The following RTN4RL1 variants were observed in gnomAD, a reference collection of about 807,000 sequenced individuals.
RTN4RL1 encodes the protein reticulon 4 receptor like 1.
A neutral mutation model predicts 25.6 loss-of-function variants in RTN4RL1; 7 were observed. The observed-to-expected ratio is 0.27, with a 90% CI of 0.16 to 0.51. The LOEUF (loss-of-function observed/expected upper bound fraction) is 0.51. Among genes scored for constraint, RTN4RL1 ranks in the 20% least tolerant of loss-of-function variants. RTN4RL1 has a pLI of 0.97. For synonymous variants in RTN4RL1, 297 were observed against 288.2 expected, an observed-to-expected ratio of 1.03 and a Z score of -0.31; for missense variants, 500 against 615.6, an observed-to-expected ratio of 0.81 and a Z score of 1.99.
At chr17:1,977,391 C>T (rs2066846762) in intron 1 of RTN4RL1, among the ~76,000 whole-genome samples, 1 of 152,202 alleles carries the variant, frequency 6.6e-6, no homozygotes, top group African/African-American at 2.4e-5. Context: ...ACCCTGACGA[C>T]CTTGGAGCCT....
At chr17:2,014,139 T>A (rs1343593412) in intron 1 of RTN4RL1, among the ~76,000 whole-genome samples, 1 of 152,172 alleles carries the variant, frequency 6.6e-6, no homozygotes, top group African/African-American at 2.4e-5. Flanking sequence ...CCAGTGCCCA[T>A]GGGGACTCAC....
intron 1 of RTN4RL1, among the ~76,000 whole-genome samples, chr17:1,971,774 A>G (rs1389245688): frequency 2.6e-5 from 4 of 151,958 alleles, no homozygotes; most frequent in South Asian, 2.1e-4. Flanking sequence ...CATCCTAGCT[A>G]ACATGGTGAA....
chr17:1,960,552 A>G (rs1249585797), intron 1 of RTN4RL1, among the ~76,000 whole-genome samples: 1 of 152,194 alleles, frequency 6.6e-6, no homozygotes, highest in Non-Finnish European at 1.5e-5. Flanking sequence ...CTTGTAAAAT[A>G]TACACATTTT....
intron 1 of RTN4RL1, among the ~76,000 whole-genome samples, chr17:1,951,061 C>T (rs373031103): frequency 2.6e-5 from 4 of 151,498 alleles, no homozygotes; most frequent in East Asian, 2.0e-4. Flanking sequence ...GTCAGGAGAT[C>T]GAGACCATCC....
chr17:2,002,298 T>A (rs2066963364), intron 1 of RTN4RL1, among the ~76,000 whole-genome samples: 1 of 150,624 alleles, frequency 6.6e-6, no homozygotes, highest in African/African-American at 2.4e-5. Flanking sequence ...TTTTTAATTT[T>A]AATTTTTTTT....
At chr17:2,020,448 G>A (rs1258189063) in intron 1 of RTN4RL1, 2 of 152,176 alleles carry the variant, frequency 1.3e-5, no homozygotes, top group African/African-American at 4.8e-5. Context: ...AGGAGCTGTG[G>A]ATTCAAGTGA....
chr17:2,015,778 C>A (rs561696000), intron 1 of RTN4RL1, among the ~76,000 whole-genome samples: 10 of 152,038 alleles, frequency 6.6e-5, no homozygotes, highest in Non-Finnish European at 1.3e-4. Flanking sequence ...GAGAGCCGAG[C>A]GGCCGCAAGG....
At position 1,983,868 on chromosome 17, in the gene RTN4RL1, C is replaced by T. The variant is rs144043813; in HGVS notation, c.13+40985G>A. 2.5e-3 allele frequency among the ~76,000 whole-genome samples: 378 copies of T among 152,226 alleles called. 3 individuals carry two copies. Among genetic ancestry groups the T allele is most frequent in the African/African-American group, 8.8e-3 (364 of 41,538 alleles). On this transcript the variant is annotated intron_variant, in intron 1 of 1. Coordinates refer to ENST00000331238, the MANE Select transcript of RTN4RL1 (RefSeq NM_178568.4). ...TGAACCTAACTCCGTACTCATGACT[C>T]GTTTTCATAACGGGGTCCACAAAAC...
chr17:1,958,584 T>A (rs1915836320), intron 1 of RTN4RL1, among the ~76,000 whole-genome samples: 1 of 152,150 alleles, frequency 6.6e-6, no homozygotes, highest in African/African-American at 2.4e-5. Flanking sequence ...TTTGCTGGAG[T>A]TGGCACGACA....
At chr17:1,989,564 G>A (rs2066900967) in intron 1 of RTN4RL1, among the ~76,000 whole-genome samples, 1 of 151,808 alleles carries the variant, frequency 6.6e-6, no homozygotes, top group South Asian at 2.1e-4. Context: ...GGTGTCATAT[G>A]TTTTTTATTT....
chr17:1,952,526 G>A (rs897300576), intron 1 of RTN4RL1, among the ~76,000 whole-genome samples: 2 of 151,470 alleles, frequency 1.3e-5, no homozygotes, highest in African/African-American at 2.4e-5. Context: ...CATATTTTTA[G>A]TAGAGACGGG....
chr17:1,950,546 G>A (rs1003599138), intron 1 of RTN4RL1, among the ~76,000 whole-genome samples: 16 of 151,966 alleles, frequency 1.1e-4, no homozygotes, highest in Non-Finnish European at 1.9e-4. Flanking sequence ...CAGAGCGGGC[G>A]TGTAAATTGG....
At chr17:1,957,306 T>C (rs1400547962) in intron 1 of RTN4RL1, among the ~76,000 whole-genome samples, 1 of 152,112 alleles carries the variant, frequency 6.6e-6, no homozygotes, top group Non-Finnish European at 1.5e-5. Flanking sequence ...ATTCAACCCT[T>C]TCCTCTGTTT....
intron 1 of RTN4RL1, among the ~76,000 whole-genome samples, chr17:1,996,837 CG>C (rs1337216741): frequency 1.3e-5 from 2 of 152,176 alleles, no homozygotes; most frequent in Non-Finnish European, 2.9e-5. Flanking sequence ...GGAGACAGGA[CG>C]GGGGCCACCC....
chr17:1,982,378 C>G (rs1304788015), intron 1 of RTN4RL1, among the ~76,000 whole-genome samples: 2 of 151,926 alleles, frequency 1.3e-5, no homozygotes, highest in Non-Finnish European at 2.9e-5. Context: ...TTTGGGAGAC[C>G]GAGGCGGGCG....
chr17:1,976,464 C>G (rs890396604), intron 1 of RTN4RL1, among the ~76,000 whole-genome samples: 1 of 152,214 alleles, frequency 6.6e-6, no homozygotes, highest in African/African-American at 2.4e-5. Flanking sequence ...GAGGGAGTTA[C>G]AAAGAGGTTT....
intron 1 of RTN4RL1, among the ~76,000 whole-genome samples, chr17:1,996,337 G>A (rs896931944): frequency 7.9e-5 from 12 of 152,148 alleles, no homozygotes; most frequent in African/African-American, 2.9e-4. Flanking sequence ...ACCAGGAGAT[G>A]ACCTAAAAAT....
At chr17:1,999,133 T>G (rs2066944242) in intron 1 of RTN4RL1, among the ~76,000 whole-genome samples, 1 of 115,606 alleles carries the variant, frequency 8.7e-6, no homozygotes, top group South Asian at 2.7e-4. Context: ...ACTGAATGTG[T>G]GCTCATCATA....
chr17:2,010,745 CA>C (rs2067039929), intron 1 of RTN4RL1, among the ~76,000 whole-genome samples: 1 of 151,790 alleles, frequency 6.6e-6, no homozygotes, highest in Non-Finnish European at 1.5e-5. Context: ...AACAAACAAA[CA>C]AACAAACAAA....
Sources: gnomAD v4.1 joint callset for allele counts (sites outside exome capture counted in the v4.1 genomes callset) on GRCh38, gnomAD v4.1.1 for gene constraint, MANE v1.5 for transcripts, NCBI Gene and HGNC (gene_info 2026-07-23, HGNC 2026-07-21) for gene names.